EPS8L2: variants seen among roughly 807,000 people sequenced by gnomAD.
EPS8L2 encodes the protein epidermal growth factor receptor kinase substrate 8-like protein 2.
Under a neutral mutation model 99.4 loss-of-function variants are expected in EPS8L2, and 81 were observed. That is an observed-to-expected ratio of 0.82 (90% confidence interval 0.68 to 0.98). EPS8L2 has a LOEUF of 0.98. Among genes scored for constraint, EPS8L2 ranks in the 50% least tolerant of loss-of-function variants. The probability of loss-of-function intolerance (pLI) is 0.00; values close to 1 mark genes in which losing one functional copy is unlikely to be tolerated. For missense variants in EPS8L2, 1,155 were observed against 968.8 expected, an observed-to-expected ratio of 1.19 and a Z score of -2.55; for synonymous variants, 509 against 407.3, an observed-to-expected ratio of 1.25 and a Z score of -3.01.
rs1862322994 is a variant in EPS8L2, at chr11:726,399, A to G, written c.1849A>G (p.Ser617Gly). The G allele has an allele frequency of 2.5e-6, 4 of 1,607,910 alleles. No homozygotes were observed. The highest frequency in any genetic ancestry group is 2.5e-6 in the Non-Finnish European group (3 of 1,178,232). ...ACAGAGGCACTTCCGCGTGGAGCGC[A>G]GCCAGCCCGTGAGCCAGCCGCTCAC... ...QPQRHFRVER[S>G]QPVSQPLTYE... Residue 617 changes from serine (S) to glycine (G), a missense_variant, in exon 19 of 21, where the codon AGC becomes GGC. Physicochemically the swap from Ser to Gly is moderately conservative, Grantham distance 56. Transcript: ENST00000318562.
Position 720,102 on chromosome 11 carries a change from C to T in EPS8L2, c.206C>T (p.Thr69Met), listed in dbSNP as rs1481107650. Residue 69 changes from threonine to methionine, a missense_variant, in exon 5 of 21, where the codon ACG becomes ATG. Transcript: ENST00000318562. ...ATCATGGACAAGAGCGAAGCCATCA[C>T]GTCTGTGGACGACGCCATCCGGAAG... is the stretch of plus-strand genomic sequence containing the variant. ...TFIMDKSEAI[T>M]SVDDAIRKLV... 26 of 1,613,228 alleles carry T rather than the reference C, an allele frequency of 1.6e-5. No homozygotes were observed. Among genetic ancestry groups the T allele is most frequent in the East Asian group, 2.2e-5 (1 of 44,890 alleles).
Position 722,668 on chromosome 11 carries a change from C to T in EPS8L2, c.1209-5C>T, listed in dbSNP as rs1862212670. ...CAGGGCTGACTTCAGGACCTCTCAC[C>T]CCAGTTCCGAGTGGCCGCGGGAGCC... On this transcript the variant is annotated splice_region_variant and splice_polypyrimidine_tract_variant and intron_variant, in intron 13 of 20. Transcript: ENST00000318562. The T allele has an allele frequency of 3.1e-6, 5 of 1,607,802 alleles. No homozygotes were observed. Among genetic ancestry groups the T allele is most frequent in the African/African-American group, 1.3e-5 (1 of 74,840 alleles).
chr11:720,948 A>C (rs1213239370), intron 7 of EPS8L2, 39 bp downstream of exon 7: 18 of 815,664 alleles, frequency 2.2e-5, no homozygotes, highest in African/African-American at 9.9e-5. Flanking sequence ...GGGGGCGGGG[A>C]GGGGAGGAGC....
Position 720,916 on chromosome 11 carries a change from C to G in EPS8L2, c.557+7C>G. On this transcript the variant is annotated splice_region_variant and intron_variant, in intron 7 of 20. Coordinates refer to ENST00000318562, the MANE Select transcript of EPS8L2 (RefSeq NM_022772.4). ...TGCGGCCGCAGACCCTGAAGTAGGG[C>G]AGCGGGCGGAGCGGGGTCGCAGGGG... The G allele has an allele frequency of 7.3e-7, 1 of 1,372,048 alleles. No homozygotes were observed. The highest frequency in any genetic ancestry group is 9.5e-7 in the Non-Finnish European group (1 of 1,050,326). 85.0% of individuals were successfully genotyped at this position (1,372,048 alleles called of 1,614,324 possible).
chr11:710,377 G>A (rs767635733), intron 3 of EPS8L2, 45 bp from the exon 4 acceptor site: 3 of 1,590,856 alleles, frequency 1.9e-6, no homozygotes, highest in Admixed American at 3.3e-5. Flanking sequence ...ACGGGAGGCT[G>A]TGGGTCCTGC....
rs557155521 is a variant in EPS8L2 at position 717,303 on chromosome 11, C to A, written c.166-2759C>A. ...TGCCCACTGTAACCTGTTGGATCTG[C>A]CCACTTCTTTAACCTGTTGATGGAC... On this transcript the variant is annotated intron_variant, in intron 4 of 20. Coordinates refer to ENST00000318562, the MANE Select transcript of EPS8L2 (RefSeq NM_022772.4). Among the ~76,000 whole-genome samples, 24 of 152,274 alleles carry A rather than the reference C, an allele frequency of 1.6e-4. No individual in the cohort carries two copies. In the South Asian group the frequency reaches 5.0e-3, roughly 32 times the overall value.
At chr11:722,269 G>T in intron 12 of EPS8L2, 104 bp downstream of exon 12, 1 of 1,536,766 alleles carries the variant, frequency 6.5e-7, no homozygotes, top group Admixed American at 1.7e-5. Flanking sequence ...GCCTTGGGCA[G>T]CCCGGTTCAC....
chr11:721,761 G>T (rs1285585070), intron 10 of EPS8L2, 70 bp downstream of exon 10: 2 of 1,555,634 alleles, frequency 1.3e-6, no homozygotes, highest in Non-Finnish European at 1.8e-6. Flanking sequence ...ACAGGGACGG[G>T]GACGGGGCCA....
chr11:725,583 T>C, intron 16 of EPS8L2, 145 bp from the exon 17 acceptor site: 1 of 734,524 alleles, frequency 1.4e-6, no homozygotes, highest in Non-Finnish European at 1.9e-6. Flanking sequence ...GATGGAGGGG[T>C]GGAAACAGGG....
Position 720,171 on chromosome 11 carries a change from T to C in EPS8L2, c.275T>C (p.Met92Thr). 1 of 1,613,394 alleles carries C rather than the reference T, an allele frequency of 6.2e-7. No homozygotes were observed. Among genetic ancestry groups the C allele is most frequent in the Non-Finnish European group, 8.5e-7 (1 of 1,179,916 alleles). Reference sequence around the variant, plus strand: ...AAGGAGAAGATCTGGACCCAGGAGATGCTGCTGCAGGTGAACGACCAGTCG... The same window carrying C: ...AAGGAGAAGATCTGGACCCAGGAGACGCTGCTGCAGGTGAACGACCAGTCG... ...SSKEKIWTQE[M>T]LLQVNDQSLR... Residue 92 changes from methionine to threonine, a missense_variant, in exon 5 of 21, where the codon ATG becomes ACG. By Grantham distance (81) the Met-to-Thr change is moderately conservative. Transcript: ENST00000318562.
intron 4 of EPS8L2, among the ~76,000 whole-genome samples, chr11:718,770 G>A (rs1286858125): frequency 5.9e-5 from 9 of 151,330 alleles, no homozygotes; most frequent in East Asian, 5.8e-4. Flanking sequence ...CTGGGTTCAC[G>A]CCATTCTCCT....
rs763014969 is a variant in EPS8L2 at position 720,680 on chromosome 11, G to A, written c.411G>A (p.Leu137=). ...AGCTGCGCTACCCGTCTGTGCTGCTGCTCGTGTGCCAGGACTCGGAGCAGA... is the reference window on the plus strand; with the variant it reads ...AGCTGCGCTACCCGTCTGTGCTGCTACTCGTGTGCCAGGACTCGGAGCAGA... ...LNQLRYPSVL[L]LVCQDSEQSK... Residue 137 remains leucine (L), a synonymous_variant, in exon 6 of 21, where the codon CTG becomes CTA. Transcript: ENST00000318562. 7.5e-6 allele frequency: 12 copies of A among 1,597,910 alleles called. No individual in the cohort carries two copies. In the South Asian group the frequency reaches 1.1e-4, roughly 15 times the overall value.
At chr11:709,847 AT>A in intron 3 of EPS8L2, 1 of 591,932 alleles carries the variant, frequency 1.7e-6, no homozygotes, top group African/African-American at 1.9e-5. Context: ...ATCAATATTG[AT>A]TCCGCTGCAC....
chr11:717,220 C>T (rs1459665357), intron 4 of EPS8L2, among the ~76,000 whole-genome samples: 1 of 152,144 alleles, frequency 6.6e-6, no homozygotes, highest in African/African-American at 2.4e-5. Context: ...TGTGATCCAC[C>T]TGCCTTGGCC....
In EPS8L2 at chr11:709,539, C is replaced by T; in HGVS notation, c.45-14C>T. 6.2e-7 allele frequency: 1 copy of T among 1,612,814 alleles called. No homozygotes were observed. Among genetic ancestry groups the T allele is most frequent in the South Asian group, 1.1e-5 (1 of 91,006 alleles). The stretch of plus-strand genomic sequence containing the variant: ...GTGCAGTTTGGCCCTGCCCTGACAG[C>T]CCCTCCCCTGCAGTGGCAGCCTGGG... On this transcript the variant is annotated splice_polypyrimidine_tract_variant and intron_variant, in intron 2 of 20. Coordinates refer to ENST00000318562, the MANE Select transcript of EPS8L2 (RefSeq NM_022772.4).
At chr11:720,431 C>T (rs894875717) in intron 5 of EPS8L2, 166 bp from the exon 6 acceptor site, 14 of 1,209,458 alleles carry the variant, frequency 1.2e-5, no homozygotes, top group Non-Finnish European at 1.6e-5. Context: ...GTCAGCCTTG[C>T]GGTACAGCTG....
At chr11:714,861 C>T (rs1480219654) in intron 4 of EPS8L2, among the ~76,000 whole-genome samples, 1 of 151,918 alleles carries the variant, frequency 6.6e-6, no homozygotes, top group African/African-American at 2.4e-5. Flanking sequence ...CTGTAATTTT[C>T]GTATAATGCC....
chr11:726,751 G>C lies in EPS8L2; in HGVS notation c.2067G>C (p.Glu689Asp). The C allele has an allele frequency of 6.3e-7, 1 of 1,588,658 alleles. No individual in the cohort carries two copies. Among genetic ancestry groups the C allele is most frequent in the Middle Eastern group, 1.9e-4 (1 of 5,198 alleles). ...TCACCATGCAGAAGGCCTTCCTGGAGGTGAGCCCGCCTGCGCTCCGGCGCC... is the reference window on the plus strand; with the variant it reads ...TCACCATGCAGAAGGCCTTCCTGGACGTGAGCCCGCCTGCGCTCCGGCGCC... ...SQLTMQKAFL[E>D]KQQSGSELEE... is the part of the protein sequence containing the mutation. The change falls in exon 20 of 21, where the codon GAG becomes GAC. Residue 689 changes from glutamate to aspartate, a missense_variant and splice_region_variant. Glu to Asp is a conservative substitution (Grantham distance 45). Coordinates refer to ENST00000318562, the MANE Select transcript of EPS8L2 (RefSeq NM_022772.4).
chr11:715,592 T>C (rs1861999781), intron 4 of EPS8L2, among the ~76,000 whole-genome samples: 1 of 151,936 alleles, frequency 6.6e-6, no homozygotes. Flanking sequence ...GTGGGTTTTA[T>C]TTGATTCACT....
Sources: allele counts gnomAD v4.1 joint callset (sites outside exome capture counted in the v4.1 genomes callset), GRCh38; gene constraint gnomAD v4.1.1; transcripts MANE v1.5; gene names NCBI Gene and HGNC (gene_info 2026-07-23, HGNC 2026-07-21).